Variants in CAST observed in about 807,000 individuals in gnomAD.
The protein encoded by CAST is MIR583 host.
CAST carries 76 observed loss-of-function variants against 119.6 expected under a neutral mutation model. The observed-to-expected ratio is 0.64, with a 90% confidence interval of 0.53 to 0.77. The LOEUF (loss-of-function observed/expected upper bound fraction) is 0.77, where lower values mean the gene tolerates loss of function less well. CAST is among the 30% of genes least tolerant of loss of function. The pLI is 0.00. For synonymous variants in CAST, 319 were observed against 331.6 expected, an observed-to-expected ratio of 0.96 and a Z score of 0.41; for missense variants, 953 against 946.5, an observed-to-expected ratio of 1.01 and a Z score of -0.09.
Position 96,705,790 on chromosome 5 carries a change from G to A in CAST, c.210+9883G>A, listed in dbSNP as rs111378923. 3.9e-3 allele frequency among the ~76,000 whole-genome samples: 593 copies of A among 152,284 alleles called. 10 individuals are homozygous for A. Among genetic ancestry groups the A allele is most frequent in the South Asian group, 0.033 (159 of 4,816 alleles). Reference sequence around the variant, plus strand: ...AGCACATACGGAGCCCTTATGTGCTGTGATGATAATGTAGCTATGACGTAG... The same window carrying A: ...AGCACATACGGAGCCCTTATGTGCTATGATGATAATGTAGCTATGACGTAG... On this transcript the variant is annotated intron_variant, in intron 3 of 31. Transcript: ENST00000675179.
At chr5:96,220,104 G>A in the CAST span, among the ~76,000 whole-genome samples, 2 of 152,182 alleles carry the variant, frequency 1.3e-5, no homozygotes, top group Admixed American at 6.5e-5. Flanking sequence ...TGTTGCTATG[G>A]TGTGGGTCTG....
the CAST span, among the ~76,000 whole-genome samples, chr5:96,317,398 G>C: frequency 7.0e-6 from 1 of 143,688 alleles, no homozygotes; most frequent in Admixed American, 7.4e-5. Flanking sequence ...AATCGCTTGA[G>C]CCCAGGAGGC....
the CAST span, among the ~76,000 whole-genome samples, chr5:96,335,311 C>T: frequency 6.6e-6 from 1 of 152,220 alleles, no homozygotes; most frequent in Non-Finnish European, 1.5e-5. Context: ...TTGGTAAGGC[C>T]ACCCATATTG....
the CAST span, among the ~76,000 whole-genome samples, chr5:96,088,058 G>A: frequency 9.2e-5 from 14 of 152,176 alleles, no homozygotes; most frequent in Non-Finnish European, 1.6e-4. Context: ...TAATTACAAG[G>A]CATTCTGCTG....
At chr5:95,973,688 T>C in the CAST span, among the ~76,000 whole-genome samples, 3 of 152,346 alleles carry the variant, frequency 2.0e-5, no homozygotes, top group South Asian at 6.2e-4. Flanking sequence ...TTGATCTACG[T>C]GTCTCTGCTT....
chr5:96,437,897 C>A, the CAST span, among the ~76,000 whole-genome samples: 3 of 152,172 alleles, frequency 2.0e-5, no homozygotes, highest in East Asian at 5.8e-4. Context: ...GTTACAAAGT[C>A]CTTCCTTATA....
At chr5:96,041,410 AAAG>A in the CAST span, among the ~76,000 whole-genome samples, 1 of 152,176 alleles carries the variant, frequency 6.6e-6, no homozygotes, top group African/African-American at 2.4e-5. Flanking sequence ...TATTAAAAAC[AAAG>A]AAGGTCTATC....
chr5:96,452,993 A>G, the CAST span, among the ~76,000 whole-genome samples: 1 of 150,898 alleles, frequency 6.6e-6, no homozygotes, highest in Non-Finnish European at 1.5e-5. Flanking sequence ...AAAGAAAAGA[A>G]AAAATCCTGT....
chr5:96,595,390 G>A (rs540396099), intron 1 of CAST, among the ~76,000 whole-genome samples: 1 of 152,362 alleles, frequency 6.6e-6, no homozygotes, highest in South Asian at 2.1e-4. Flanking sequence ...GAGAGTTTAT[G>A]TGAAACAACC....
At chr5:96,016,134 G>T in the CAST span, among the ~76,000 whole-genome samples, 1 of 152,214 alleles carries the variant, frequency 6.6e-6, no homozygotes, top group East Asian at 1.9e-4. Flanking sequence ...CTGCCTAGGA[G>T]ATCAGCCTGC....
chr5:96,479,350 G>C, the CAST span, among the ~76,000 whole-genome samples: 2 of 152,132 alleles, frequency 1.3e-5, no homozygotes, highest in African/African-American at 4.8e-5. Flanking sequence ...AACATGCATA[G>C]TGAGGATGTT....
chr5:96,728,981 C>T, intron 6 of CAST, 172 bp from the exon 7 acceptor site: 1 of 577,486 alleles, frequency 1.7e-6, no homozygotes, highest in Non-Finnish European at 3.1e-6. Flanking sequence ...TACTATTGAC[C>T]TGATACCACA....
the CAST span, among the ~76,000 whole-genome samples, chr5:96,482,554 C>T: frequency 6.6e-6 from 1 of 151,848 alleles, no homozygotes; most frequent in Admixed American, 6.6e-5. Flanking sequence ...TACCTGTTCT[C>T]ATAACCCCCA....
At chr5:96,498,874 C>T in the CAST span, among the ~76,000 whole-genome samples, 7 of 152,048 alleles carry the variant, frequency 4.6e-5, no homozygotes, top group African/African-American at 1.4e-4. Context: ...CTACAAAGGA[C>T]GAGTTCTTTC....
the CAST span, among the ~76,000 whole-genome samples, chr5:96,047,820 G>A: frequency 5.9e-5 from 9 of 152,176 alleles, no homozygotes; most frequent in Admixed American, 3.3e-4. Flanking sequence ...GACAAGCACT[G>A]TGGAGAAGAG....
chr5:96,455,823 A>G, the CAST span, among the ~76,000 whole-genome samples: 2 of 152,094 alleles, frequency 1.3e-5, no homozygotes, highest in Admixed American at 1.3e-4. Flanking sequence ...TTTTTACCAT[A>G]GCTTGGAATT....
the CAST span, among the ~76,000 whole-genome samples, chr5:96,455,260 T>C: frequency 6.6e-6 from 1 of 152,136 alleles, no homozygotes; most frequent in Non-Finnish European, 1.5e-5. Context: ...CCAGCTTCTG[T>C]GAAGAAAGAA....
chr5:96,378,226 T>C, the CAST span, among the ~76,000 whole-genome samples: 2 of 152,138 alleles, frequency 1.3e-5, no homozygotes, highest in Non-Finnish European at 2.9e-5. Flanking sequence ...TTATACAAAA[T>C]GAATAAATTC....
chr5:96,649,331 T>C, intron 1 of CAST, among the ~76,000 whole-genome samples: 1 of 152,224 alleles, frequency 6.6e-6, no homozygotes, highest in Non-Finnish European at 1.5e-5. Flanking sequence ...TCCTGGCATC[T>C]GTCTGACATT....
Sources: allele counts gnomAD v4.1 joint callset (sites outside exome capture counted in the v4.1 genomes callset), GRCh38; gene constraint gnomAD v4.1.1; transcripts MANE v1.5; gene names NCBI Gene and HGNC (gene_info 2026-07-23, HGNC 2026-07-21).